The following CTNNA2 variants were observed in gnomAD, a reference collection of about 807,000 sequenced individuals.
CTNNA2 encodes the protein catenin alpha-2.
CTNNA2 carries 42 observed loss-of-function variants against 101.0 expected under a neutral mutation model. The observed-to-expected ratio is 0.42, with a 90% CI of 0.32 to 0.54. The LOEUF (loss-of-function observed/expected upper bound fraction) is 0.54. Among genes scored for constraint, CTNNA2 ranks in the 20% least tolerant of loss-of-function variants. The probability of loss-of-function intolerance (pLI) is 0.14; values close to 1 mark genes in which losing one functional copy is unlikely to be tolerated. For synonymous variants in CTNNA2, 450 were observed against 456.4 expected (o/e 0.99, Z 0.18); for missense variants, 871 against 1,223.1 (o/e 0.71, Z 4.29).
intron 1 of CTNNA2, among the ~76,000 whole-genome samples, chr2:79,563,161 G>A (rs867235969): frequency 5.9e-4 from 46 of 78,616 alleles, no homozygotes; most frequent in African/African-American, 1.8e-3. Flanking sequence ...ATAAAGATGT[G>A]TATATATATA....
rs369517858 is a variant in CTNNA2 at position 80,303,845 on chromosome 2, G to A, written c.1057-89366G>A. 4 of 1,490,834 alleles carry A rather than the reference G, an allele frequency of 2.7e-6. No individual in the cohort carries two copies. The highest frequency in any genetic ancestry group is 3.6e-6 in the Non-Finnish European group (4 of 1,119,472). 92.4% of individuals were successfully genotyped at this position (1,490,834 alleles called of 1,614,324 possible). ...TAGCGAGAATCTTTCCAGAGAGACT[G>A]GAGAATGTCCATTGGAAGCGCTCGG... On this transcript the variant is annotated intron_variant, in intron 7 of 18. Transcript: ENST00000402739. The surrounding 1 kb of genome is among the most constrained non-coding windows in gnomAD (Gnocchi z 7.7).
intron 1 of CTNNA2, chr2:79,634,409 G>T (rs1679882949): frequency 6.6e-6 from 1 of 152,172 alleles, no homozygotes; most frequent in Non-Finnish European, 1.5e-5. Flanking sequence ...TTGTGGATAG[G>T]TTTGTTCAGG....
chr2:80,066,883 T>C (rs1225845443), intron 7 of CTNNA2, among the ~76,000 whole-genome samples: 1 of 152,194 alleles, frequency 6.6e-6, no homozygotes, highest in Admixed American at 6.5e-5. Flanking sequence ...GGTGTATATA[T>C]ACACAATAGA....
At chr2:80,200,766 C>T (rs769251231) in intron 7 of CTNNA2, among the ~76,000 whole-genome samples, 2 of 152,074 alleles carry the variant, frequency 1.3e-5, no homozygotes, top group Non-Finnish European at 2.9e-5. Context: ...CATCTCCTAA[C>T]CTCATGATCC....
At chr2:79,963,355 A>G (rs1325913034) in intron 7 of CTNNA2, among the ~76,000 whole-genome samples, 2 of 152,150 alleles carry the variant, frequency 1.3e-5, no homozygotes, top group Non-Finnish European at 2.9e-5. Context: ...AGGCTAAGTC[A>G]AGCGCCACAG....
chr2:80,477,642 G>T (rs1378975881), intron 9 of CTNNA2, among the ~76,000 whole-genome samples: 5 of 151,700 alleles, frequency 3.3e-5, no homozygotes, highest in Non-Finnish European at 7.4e-5. Context: ...CTTTATCTAG[G>T]ATAATGCCCT....
intron 7 of CTNNA2, among the ~76,000 whole-genome samples, chr2:80,165,952 G>GA (rs991892863): frequency 2.0e-5 from 3 of 152,098 alleles, no homozygotes; most frequent in Admixed American, 6.6e-5. Context: ...TGGAGGCACA[G>GA]TTTTTTTCAA....
intron 7 of CTNNA2, among the ~76,000 whole-genome samples, chr2:80,035,479 T>C (rs1237818328): frequency 6.6e-6 from 1 of 152,178 alleles, no homozygotes; most frequent in East Asian, 1.9e-4. Flanking sequence ...CTATATAAAC[T>C]TATAAACTTT....
chr2:80,310,904 C>T (rs1008985700), intron 7 of CTNNA2, among the ~76,000 whole-genome samples: 4 of 145,584 alleles, frequency 2.7e-5, no homozygotes, highest in South Asian at 2.2e-4. Context: ...ACCCGGGAGG[C>T]GGATGTTGCA....
At chr2:80,218,142 A>G (rs1316572480) in intron 7 of CTNNA2, among the ~76,000 whole-genome samples, 2 of 152,212 alleles carry the variant, frequency 1.3e-5, no homozygotes, top group East Asian at 1.9e-4. Context: ...GTACTTCTCA[A>G]TATCTCTGTT....
rs373570905 is a variant in CTNNA2, at chr2:80,484,212, C to T, written c.1291-60770C>T. On this transcript the variant is annotated intron_variant, in intron 9 of 18. Transcript: ENST00000402739. ...TCACTTATGTGTGGAATTCTGAATG[C>T]GCTTGTGGTCAATACATTTAAAGCA... is the stretch of plus-strand genomic sequence containing the variant. Among the ~76,000 whole-genome samples, 16 of 151,896 alleles carry T rather than the reference C, an allele frequency of 1.1e-4. 1 individual carries two copies. In the East Asian group the frequency reaches 2.5e-3, roughly 24 times the overall value.
At chr2:79,855,988 C>T (rs1681103128) in intron 3 of CTNNA2, among the ~76,000 whole-genome samples, 1 of 152,118 alleles carries the variant, frequency 6.6e-6, no homozygotes, top group Non-Finnish European at 1.5e-5. Flanking sequence ...GGAGGAGAGG[C>T]AAGAGGAGGA....
intron 18 of CTNNA2, among the ~76,000 whole-genome samples, chr2:80,627,473 A>G (rs531584537): frequency 6.6e-6 from 1 of 152,246 alleles, no homozygotes; most frequent in East Asian, 1.9e-4. Flanking sequence ...ATCAGTGATG[A>G]TGAGCATTAT....
intron 12 of CTNNA2, among the ~76,000 whole-genome samples, chr2:80,569,055 G>A (rs1694322605): frequency 6.6e-6 from 1 of 152,078 alleles, no homozygotes; most frequent in Admixed American, 6.6e-5. Context: ...GCTACCTTTG[G>A]TTGACCTTGC....
chr2:79,328,682 A>G (rs1235782769), intron 3 of CTNNA2, among the ~76,000 whole-genome samples: 2 of 152,182 alleles, frequency 1.3e-5, no homozygotes, highest in Non-Finnish European at 2.9e-5. Context: ...TTAGGAAGAT[A>G]TAAAAGGGAG....
At chr2:80,005,601 A>C (rs1198757112) in intron 7 of CTNNA2, among the ~76,000 whole-genome samples, 1 of 152,194 alleles carries the variant, frequency 6.6e-6, no homozygotes, top group African/African-American at 2.4e-5. Flanking sequence ...GGCATTTGGA[A>C]AGAAAATCCT....
intron 6 of CTNNA2, among the ~76,000 whole-genome samples, chr2:79,909,182 A>G (rs1458896204): frequency 6.6e-6 from 1 of 152,220 alleles, no homozygotes; most frequent in East Asian, 1.9e-4. Flanking sequence ...TGTGTATACA[A>G]GCCACAGCTA....
At chr2:80,439,196 C>T (rs1559111372) in intron 9 of CTNNA2, among the ~76,000 whole-genome samples, 1 of 152,102 alleles carries the variant, frequency 6.6e-6, no homozygotes, top group Non-Finnish European at 1.5e-5. Context: ...CAACTACAGC[C>T]AGGTCATCTA....
intron 18 of CTNNA2, among the ~76,000 whole-genome samples, chr2:80,644,435 C>G (rs189276383): frequency 2.0e-4 from 31 of 152,260 alleles, no homozygotes; most frequent in African/African-American, 7.5e-4. Flanking sequence ...TGTTCCTAAA[C>G]TTGGTATTTA....
Sources: gnomAD v4.1 joint callset for allele counts (sites outside exome capture counted in the v4.1 genomes callset) on GRCh38, gnomAD v4.1.1 for gene constraint, Gnocchi (gnomAD v3.1) non-coding constraint, MANE v1.5 for transcripts, NCBI Gene and HGNC (gene_info 2026-07-23, HGNC 2026-07-21) for gene names.